PCDHGA3: variants seen among roughly 807,000 people sequenced by gnomAD.
PCDHGA3 encodes protocadherin gamma subfamily A, 3, also known as protocadherin gamma-A3.
In PCDHGA3, 40 loss-of-function variants were observed where a neutral mutation model predicts 58.5. That is an observed-to-expected ratio of 0.68 (90% confidence interval 0.53 to 0.89). The LOEUF (loss-of-function observed/expected upper bound fraction) is 0.89. PCDHGA3 is among the 40% of genes least tolerant of loss of function. The pLI is 0.00. For missense variants in PCDHGA3, 1,223 were observed against 1,195.9 expected (o/e 1.02, Z -0.33); for synonymous variants, 530 against 525.7 (o/e 1.01, Z -0.11).
intron 1 of PCDHGA3, chr5:141,361,762 A>G (rs1184426981): frequency 6.2e-7 from 1 of 1,613,010 alleles, no homozygotes; most frequent in Non-Finnish European, 8.5e-7. Flanking sequence ...GCCCGCGCTC[A>G]GCGCCAACGT....
At chr5:141,362,104 A>G (rs1762332057) in intron 1 of PCDHGA3, 1 of 1,613,874 alleles carries the variant, frequency 6.2e-7, no homozygotes, top group Non-Finnish European at 8.5e-7. Context: ...ACTCTCCGCT[A>G]CGGCCACGCT....
intron 1 of PCDHGA3, among the ~76,000 whole-genome samples, chr5:141,474,143 TATC>T (rs1371874237): frequency 1.3e-5 from 2 of 152,188 alleles, no homozygotes; most frequent in Non-Finnish European, 2.9e-5. Context: ...CAGGCCTTAT[TATC>T]AAGAAAATGA....
intron 1 of PCDHGA3, among the ~76,000 whole-genome samples, chr5:141,349,629 T>C (rs912164191): frequency 2.6e-5 from 4 of 152,136 alleles, no homozygotes; most frequent in Non-Finnish European, 5.9e-5. Context: ...TGATAACATA[T>C]ATATGGAGAG....
chr5:141,404,325 C>G (rs762306578), intron 1 of PCDHGA3: 7 of 1,613,876 alleles, frequency 4.3e-6, no homozygotes, highest in Non-Finnish European at 5.9e-6. Flanking sequence ...GCCTCCTACT[C>G]AGTCTACCTC....
At chr5:141,433,044 A>T in intron 1 of PCDHGA3, 2 of 1,613,972 alleles carry the variant, frequency 1.2e-6, no homozygotes, top group Non-Finnish European at 8.5e-7. Flanking sequence ...CTCACCACGG[A>T]CTCGCGGAAG....
At chr5:141,374,852 G>C in intron 1 of PCDHGA3, 1 of 1,613,798 alleles carries the variant, frequency 6.2e-7, no homozygotes, top group Middle Eastern at 1.6e-4. Context: ...AAACCTGCCA[G>C]TAGGCACACC....
In PCDHGA3 at chr5:141,344,657, C is replaced by A; in HGVS notation, c.624C>A (p.His208Gln). 1 of 1,613,996 alleles carries A rather than the reference C, an allele frequency of 6.2e-7. No homozygotes were observed. The highest frequency in any genetic ancestry group is 8.5e-7 in the Non-Finnish European group (1 of 1,179,898). The change falls in exon 1 of 4, where the codon CAC becomes CAA. Residue 208 changes from histidine to glutamine, a missense_variant. His to Gln is a conservative substitution (Grantham distance 24). This residue lies in a region of PCDHGA3 where 791 missense variants were observed against 708.5 expected (regional missense o/e 1.12). Coordinates refer to ENST00000253812, the MANE Select transcript of PCDHGA3 (RefSeq NM_018916.4). ...RALDREKKEI[H>Q]QLVLVASDGG... ...TGGACCGTGAGAAAAAAGAAATTCACCAGCTTGTCCTGGTTGCCTCTGATG... is the reference window on the plus strand; with the variant it reads ...TGGACCGTGAGAAAAAAGAAATTCAACAGCTTGTCCTGGTTGCCTCTGATG...
chr5:141,398,689 G>T, intron 1 of PCDHGA3: 1 of 1,613,766 alleles, frequency 6.2e-7, no homozygotes, highest in Non-Finnish European at 8.5e-7. Context: ...GAAACAGGAT[G>T]GTAGTAAATA....
intron 1 of PCDHGA3, chr5:141,360,103 T>A (rs1233715978): frequency 1.3e-6 from 2 of 1,539,284 alleles, no homozygotes; most frequent in Non-Finnish European, 1.7e-6. Flanking sequence ...GGCTTATTCC[T>A]CCTATGGGCA....
At chr5:141,427,056 T>C (rs1472513807) in intron 1 of PCDHGA3, 1 of 457,676 alleles carries the variant, frequency 2.2e-6, no homozygotes, top group Non-Finnish European at 4.4e-6. Flanking sequence ...CCCAGGCACC[T>C]CTGTACTAAA....
chr5:141,428,114 C>T (rs2097111703), intron 1 of PCDHGA3: 1 of 1,607,084 alleles, frequency 6.2e-7, no homozygotes, highest in Admixed American at 1.7e-5. Context: ...TGCAGGCCAT[C>T]GAGCCCGGGC....
rs533830391 is a variant in PCDHGA3, at chr5:141,492,559, C to T, written c.2425-2248C>T. 4.6e-5 allele frequency among the ~76,000 whole-genome samples: 7 copies of T among 152,292 alleles called. No homozygotes were observed. The East Asian group carries it at 1.4e-3, about 29-fold the overall frequency. The stretch of plus-strand genomic sequence containing the variant: ...GGGCTGGGCCGGGTCGCCTGGGGGG[C>T]GGCCTGAGCGAGGCGCGGGGCCAGG... On this transcript the variant is annotated intron_variant, in intron 1 of 3. Coordinates refer to ENST00000253812, the MANE Select transcript of PCDHGA3 (RefSeq NM_018916.4).
intron 2 of PCDHGA3, 106 bp downstream of exon 2, chr5:141,494,971 C>T (rs1244836841): frequency 1.3e-6 from 2 of 1,583,382 alleles, no homozygotes; most frequent in African/African-American, 1.3e-5. Context: ...ATGGCTTCTC[C>T]CTCAGTTTGA....
intron 1 of PCDHGA3, chr5:141,378,709 C>T (rs1358072601): frequency 6.6e-6 from 1 of 152,094 alleles, no homozygotes; most frequent in Non-Finnish European, 1.5e-5. Context: ...ATAAGGCTTT[C>T]ATCATATAGG....
chr5:141,421,513 C>G lies in PCDHGA3; in HGVS notation c.2425-73294C>G, dbSNP rs368199651. ...GGCAGGCAGGATAGACCGGGAGGAG[C>G]TCTGTGAGACGGTGTCCTCCTGTTT... On this transcript the variant is annotated intron_variant, in intron 1 of 3. Coordinates refer to ENST00000253812, the MANE Select transcript of PCDHGA3 (RefSeq NM_018916.4). 61 of 1,614,078 alleles carry G rather than the reference C, an allele frequency of 3.8e-5. No individual in the cohort carries two copies. The African/African-American group carries it at 7.5e-4, about 20-fold the overall frequency.
chr5:141,372,657 T>C, intron 1 of PCDHGA3: 3 of 1,614,048 alleles, frequency 1.9e-6, no homozygotes, highest in Non-Finnish European at 2.5e-6. Context: ...CTACAATCCG[T>C]GTGCTGCCTC....
chr5:141,373,242 C>T (rs1241005147), intron 1 of PCDHGA3, among the ~76,000 whole-genome samples: 1 of 152,106 alleles, frequency 6.6e-6, no homozygotes, highest in Non-Finnish European at 1.5e-5. Context: ...TTTTTACTTC[C>T]CTTTGCATGT....
At chr5:141,443,728 C>T (rs1434984241) in intron 1 of PCDHGA3, among the ~76,000 whole-genome samples, 1 of 152,060 alleles carries the variant, frequency 6.6e-6, no homozygotes, top group Admixed American at 6.5e-5. Flanking sequence ...ATTCCTCATA[C>T]ATTTCCCTAT....
intron 1 of PCDHGA3, among the ~76,000 whole-genome samples, chr5:141,466,965 C>G (rs1345790988): frequency 6.6e-6 from 1 of 152,016 alleles, no homozygotes; most frequent in African/African-American, 2.4e-5. Context: ...CAAATATTTT[C>G]TCACAGCTCA....
Sources: allele counts gnomAD v4.1 joint callset (sites outside exome capture counted in the v4.1 genomes callset), GRCh38; gene constraint gnomAD v4.1.1; regional missense constraint gnomAD v4.1.1; transcripts MANE v1.5; gene names NCBI Gene and HGNC (gene_info 2026-07-23, HGNC 2026-07-21).